RADIL: variants seen among roughly 807,000 people sequenced by gnomAD.
RADIL encodes ras-associating and dilute domain-containing protein.
Under a neutral mutation model 97.6 loss-of-function variants are expected in RADIL, and 99 were observed. The observed-to-expected ratio is 1.01, with a 90% CI of 0.86 to 1.20. The LOEUF (loss-of-function observed/expected upper bound fraction) is 1.20. Among genes scored for constraint, RADIL ranks in the 50% most tolerant of loss-of-function variants. The pLI is 0.00. For synonymous variants in RADIL, 803 were observed against 691.8 expected, an observed-to-expected ratio of 1.16 and a Z score of -2.52; for missense variants, 1,765 against 1,498.9, an observed-to-expected ratio of 1.18 and a Z score of -2.93.
chr7:4,857,070 A>C (rs1398947636), intron 2 of RADIL, among the ~76,000 whole-genome samples: 1 of 152,226 alleles, frequency 6.6e-6, no homozygotes, highest in Non-Finnish European at 1.5e-5. Context: ...AATTAATGAA[A>C]GGCTGTTTTG....
chr7:4,877,467 G>A (rs1016357329), intron 2 of RADIL, 138 bp downstream of exon 2: 1 of 935,090 alleles, frequency 1.1e-6, no homozygotes, highest in Middle Eastern at 3.4e-4. Flanking sequence ...CAAACATCCA[G>A]GACACGGGCT....
At chr7:4,839,729 C>T (rs1326054968) in intron 2 of RADIL, among the ~76,000 whole-genome samples, 2 of 152,082 alleles carry the variant, frequency 1.3e-5, no homozygotes, top group East Asian at 3.9e-4. Context: ...ACTGATGATA[C>T]TTTATTTTTA....
chr7:4,869,255 C>A lies in RADIL; in HGVS notation c.535+8350G>T, dbSNP rs151049624. On this transcript the variant is annotated intron_variant, in intron 2 of 14. Transcript: ENST00000399583. ...TCAAGTGATCCTCCCACCTTAGCCC[C>A]CTGAGTAGCTGGGACTACAGGCCTG... 3.4e-3 allele frequency among the ~76,000 whole-genome samples: 520 copies of A among 152,304 alleles called. 2 individuals carry two copies. The highest frequency in any genetic ancestry group is 0.012 in the African/African-American group (481 of 41,576).
rs987971557 is a variant in RADIL, at chr7:4,814,361, CAAGGTG to C, written c.2139+911_2139+916del. Among the ~76,000 whole-genome samples, 8 of 152,088 alleles carry C rather than the reference CAAGGTG, an allele frequency of 5.3e-5. No individual in the cohort carries two copies. Among genetic ancestry groups the C allele is most frequent in the African/African-American group, 1.9e-4 (8 of 41,400 alleles). ...TGAGACAGGGCCTCACTTTGTCGCT[CAAGGTG>C]GAGTGCAGTGGCATGATCTCGGCTC... On this transcript the variant is annotated intron_variant, in intron 9 of 14. Transcript: ENST00000399583. The surrounding 1 kb of genome is among the most constrained non-coding windows in gnomAD (Gnocchi z 4.5).
chr7:4,816,167 A>G, intron 8 of RADIL, 61 bp downstream of exon 8: 1 of 1,496,988 alleles, frequency 6.7e-7, no homozygotes, highest in South Asian at 1.2e-5. Context: ...GGGAGGCGCC[A>G]GCAGCCGTCA....
At chr7:4,804,147 C>T in intron 10 of RADIL, 1 of 306,284 alleles carries the variant, frequency 3.3e-6, no homozygotes, top group Non-Finnish European at 6.5e-6. Flanking sequence ...GAGCCGACTG[C>T]CTCCCTGCAG....
At position 4,819,599 on chromosome 7, in the gene RADIL, G is replaced by T. The variant is rs756772175; in HGVS notation, c.1616-2248C>A. Among the ~76,000 whole-genome samples the T allele has an allele frequency of 6.6e-6, 1 of 152,186 alleles. No homozygotes were observed. Among genetic ancestry groups the T allele is most frequent in the Non-Finnish European group, 1.5e-5 (1 of 68,038 alleles). On this transcript the variant is annotated intron_variant, in intron 6 of 14. Transcript: ENST00000399583. The surrounding 1 kb of genome is among the most constrained non-coding windows in gnomAD (Gnocchi z 5.8). ...GGCGCACACGATGGTGTGAGGCGGCGCGGGAGGGGCCTGGGTCAGAGCTTT... is the reference window on the plus strand; with the variant it reads ...GGCGCACACGATGGTGTGAGGCGGCTCGGGAGGGGCCTGGGTCAGAGCTTT...
chr7:4,845,486 A>G (rs1419045235), intron 2 of RADIL, among the ~76,000 whole-genome samples: 3 of 152,222 alleles, frequency 2.0e-5, no homozygotes, highest in African/African-American at 7.2e-5. Context: ...TAATCGATCA[A>G]TAAATGAAGT....
intron 13 of RADIL, 131 bp downstream of exon 13, chr7:4,800,040 G>C (rs1007818300): frequency 1.3e-5 from 17 of 1,358,140 alleles, no homozygotes; most frequent in Non-Finnish European, 1.6e-5. Context: ...CAGCTGCAGA[G>C]GCCAACCCCA....
intron 2 of RADIL, chr7:4,860,269 T>G: frequency 6.2e-7 from 1 of 1,613,988 alleles, no homozygotes; most frequent in South Asian, 1.1e-5. Context: ...CTGTCAATCT[T>G]CTACCTTCTG....
In RADIL at chr7:4,822,525, G is replaced by A. The variant is rs778559089; in HGVS notation, c.1484C>T (p.Ala495Val). 3 of 1,612,934 alleles carry A rather than the reference G, an allele frequency of 1.9e-6. No individual in the cohort carries two copies. The highest frequency in any genetic ancestry group is 2.7e-5 in the African/African-American group (2 of 74,948). ...LQEPISLASC[A>V]MADLVPDLQP... ...CAAGTCTGGAACCAGATCAGCCATG[G>A]CGCAGCTGGCCAGCGAGATGGGCTC... The change falls in exon 6 of 15, where the codon GCC becomes GTC. Residue 495 changes from alanine to valine, a missense_variant. By Grantham distance (64) the Ala-to-Val change is moderately conservative. Transcript: ENST00000399583. This position sits in a 1 kb window ranked among gnomAD's most constrained non-coding sequence, Gnocchi z 5.3.
intron 12 of RADIL, among the ~76,000 whole-genome samples, chr7:4,801,426 G>A (rs10271954): frequency 0.013 from 2,002 of 152,106 alleles, 53 homozygotes; most frequent in African/African-American, 0.047. Flanking sequence ...AGATCACAGT[G>A]AGTATCTGCC....
chr7:4,865,997 A>G (rs1330302262), intron 2 of RADIL, among the ~76,000 whole-genome samples: 1 of 152,206 alleles, frequency 6.6e-6, no homozygotes, highest in Non-Finnish European at 1.5e-5. Context: ...TATACCATCT[A>G]GGTTTGTGTA....
rs1437456023 is a variant in RADIL at position 4,817,524 on chromosome 7, G to C, written c.1616-173C>G. Reference sequence around the variant, plus strand: ...CTGGGCCCTGGCTGGGACGAGCGCAGCAAACCTGCCGCCACTCTTACCTGG... The same window carrying C: ...CTGGGCCCTGGCTGGGACGAGCGCACCAAACCTGCCGCCACTCTTACCTGG... On this transcript the variant is annotated intron_variant, in intron 6 of 14. Coordinates refer to ENST00000399583, the MANE Select transcript of RADIL (RefSeq NM_018059.5). This position sits in a 1 kb window ranked among gnomAD's most constrained non-coding sequence, Gnocchi z 8.3. Among the ~76,000 whole-genome samples the C allele has an allele frequency of 6.6e-6, 1 of 152,146 alleles. No individual in the cohort carries two copies. Among genetic ancestry groups the C allele is most frequent in the African/African-American group, 2.4e-5 (1 of 41,430 alleles).
At chr7:4,808,972 C>G in intron 9 of RADIL, 1 of 885,838 alleles carries the variant, frequency 1.1e-6, no homozygotes, top group Non-Finnish European at 1.3e-6. Context: ...CCACTGCCCC[C>G]GTTCCAACGC....
At chr7:4,833,686 G>T (rs1045692011) in intron 4 of RADIL, among the ~76,000 whole-genome samples, 8 of 152,214 alleles carry the variant, frequency 5.3e-5, no homozygotes, top group Non-Finnish European at 8.8e-5. Context: ...GTCTGCCGGG[G>T]ATAAGCGGGG....
intron 5 of RADIL, among the ~76,000 whole-genome samples, chr7:4,825,590 A>G (rs1782952037): frequency 6.6e-6 from 1 of 152,140 alleles, no homozygotes; most frequent in Non-Finnish European, 1.5e-5. Context: ...AGAGAGAAAG[A>G]AAAAAGCCGG....
intron 5 of RADIL, among the ~76,000 whole-genome samples, chr7:4,830,969 C>T (rs930760111): frequency 1.5e-4 from 22 of 151,326 alleles, no homozygotes; most frequent in African/African-American, 4.4e-4. Context: ...TGCAGTAAGC[C>T]GACACTGCGC....
At chr7:4,855,446 G>A (rs1016071480) in intron 2 of RADIL, among the ~76,000 whole-genome samples, 1 of 151,884 alleles carries the variant, frequency 6.6e-6, no homozygotes, top group Non-Finnish European at 1.5e-5. Flanking sequence ...GAAGACCTAC[G>A]AGGAGACTAA....
Sources: allele counts gnomAD v4.1 joint callset (sites outside exome capture counted in the v4.1 genomes callset), GRCh38; gene constraint gnomAD v4.1.1; non-coding constraint Gnocchi (gnomAD v3.1); transcripts MANE v1.5; gene names NCBI Gene and HGNC (gene_info 2026-07-23, HGNC 2026-07-21).